HIVEP3: variants seen among roughly 807,000 people sequenced by gnomAD.
HIVEP3 encodes HIVEP zinc finger 3, also known as transcription factor HIVEP3.
HIVEP3 carries 49 observed loss-of-function variants against 152.8 expected under a neutral mutation model. That is an observed-to-expected ratio of 0.32 (90% CI 0.26 to 0.41). The LOEUF is 0.41. Among genes scored for constraint, HIVEP3 ranks in the 10% least tolerant of loss-of-function variants. HIVEP3 has a pLI of 1.00. For missense variants in HIVEP3, 2,790 were observed against 3,103.3 expected (o/e 0.90, Z 2.40); for synonymous variants, 1,269 against 1,289.0 (o/e 0.98, Z 0.33).
At chr1:41,937,880 T>C (rs567005355) in intron 1 of HIVEP3, among the ~76,000 whole-genome samples, 5 of 152,228 alleles carry the variant, frequency 3.3e-5, no homozygotes, top group Non-Finnish European at 4.4e-5. Context: ...CAACCAATCA[T>C]GAGCACTTGT....
intron 5 of HIVEP3, among the ~76,000 whole-genome samples, chr1:41,554,135 A>C (rs1249198565): frequency 6.6e-6 from 1 of 152,238 alleles, no homozygotes; most frequent in Admixed American, 6.5e-5. Flanking sequence ...CAAGTACACC[A>C]ATCAAATGTA....
intron 1 of HIVEP3, among the ~76,000 whole-genome samples, chr1:41,940,259 G>A (rs1645039467): frequency 6.6e-6 from 1 of 152,102 alleles, no homozygotes; most frequent in Admixed American, 6.5e-5. Flanking sequence ...ATTCCTAAAT[G>A]ATGAGTGAGT....
At chr1:41,598,070 T>G (rs1644692324) in intron 3 of HIVEP3, among the ~76,000 whole-genome samples, 1 of 152,216 alleles carries the variant, frequency 6.6e-6, no homozygotes, top group South Asian at 2.1e-4. Flanking sequence ...TAACTCAACC[T>G]GTTTATCTTA....
chr1:42,008,626 A>G (rs566012520), intron 1 of HIVEP3, among the ~76,000 whole-genome samples: 1 of 152,266 alleles, frequency 6.6e-6, no homozygotes, highest in South Asian at 2.1e-4. Context: ...ATCCTTTAAT[A>G]GTTGTTCTTT....
At chr1:41,544,930 TCACCACCACCACCACTACCACCTCTAC>T (rs1643680054) in intron 5 of HIVEP3, among the ~76,000 whole-genome samples, 8 of 8,112 alleles carry the variant, frequency 9.9e-4, no homozygotes, top group Non-Finnish European at 1.6e-3. Flanking sequence ...ACCACCACCA[TCACCACCACCACCACTACCACCTCTAC>T]CATCACCACC....
At chr1:41,876,013 A>G (rs933959206) in intron 1 of HIVEP3, among the ~76,000 whole-genome samples, 3 of 152,140 alleles carry the variant, frequency 2.0e-5, no homozygotes, top group African/African-American at 7.2e-5. Flanking sequence ...CAAAACAGCA[A>G]CTGGGTTTGG....
Position 41,507,280 on chromosome 1 carries a change from G to A in HIVEP3, c.*3171C>T, listed in dbSNP as rs993915723. On this transcript the variant is annotated 3_prime_UTR_variant, in exon 9 of 9. Transcript: ENST00000372583. ...CTGGGTCTGGAAGTTGGAGCTTACG[G>A]AGGCGACAGTGCAGGCAGCTGGCTG... The A allele has an allele frequency of 6.6e-6, 1 of 152,298 alleles. No individual in the cohort carries two copies. The highest frequency in any genetic ancestry group is 1.5e-5 in the Non-Finnish European group (1 of 68,088). The allele number at this position is 152,298 out of a possible 1,614,324, so 9.4% of individuals were successfully genotyped here.
At chr1:41,559,701 G>A (rs1644027025) in intron 5 of HIVEP3, among the ~76,000 whole-genome samples, 1 of 152,132 alleles carries the variant, frequency 6.6e-6, no homozygotes, top group Admixed American at 6.5e-5. Context: ...CGGGGGTCAA[G>A]ATGCTGGCTT....
intron 3 of HIVEP3, among the ~76,000 whole-genome samples, chr1:41,587,426 T>C (rs1358207004): frequency 6.6e-6 from 1 of 152,174 alleles, no homozygotes; most frequent in Non-Finnish European, 1.5e-5. Flanking sequence ...CCATATAAGA[T>C]ACCATCCAAA....
At chr1:41,658,578 C>A (rs568487173) in intron 2 of HIVEP3, among the ~76,000 whole-genome samples, 11 of 152,186 alleles carry the variant, frequency 7.2e-5, no homozygotes, top group East Asian at 3.8e-4. Context: ...TCACTTCACC[C>A]CCCCCATGAG....
chr1:41,956,784 G>A (rs1026689723), intron 1 of HIVEP3, among the ~76,000 whole-genome samples: 14 of 152,104 alleles, frequency 9.2e-5, no homozygotes, highest in East Asian at 1.9e-4. Context: ...TTTGAACAGC[G>A]CTGGGAGCAA....
At chr1:41,805,391 A>G (rs1341594477) in intron 1 of HIVEP3, among the ~76,000 whole-genome samples, 1 of 152,218 alleles carries the variant, frequency 6.6e-6, no homozygotes, top group Non-Finnish European at 1.5e-5. Flanking sequence ...TAATATTCCA[A>G]TTGAGAACCC....
At chr1:41,571,038 G>A (rs1644244858) in intron 5 of HIVEP3, among the ~76,000 whole-genome samples, 1 of 152,104 alleles carries the variant, frequency 6.6e-6, no homozygotes, top group Non-Finnish European at 1.5e-5. Flanking sequence ...TGAGGTACTG[G>A]GGTAGGTGAG....
At chr1:42,032,882 T>C (rs888683818) in intron 1 of HIVEP3, among the ~76,000 whole-genome samples, 5 of 152,140 alleles carry the variant, frequency 3.3e-5, no homozygotes, top group Admixed American at 6.5e-5. Context: ...ACTCTGACAA[T>C]TGATAGTCTT....
chr1:41,799,929 G>C (rs1296686740), intron 1 of HIVEP3, among the ~76,000 whole-genome samples: 4 of 152,054 alleles, frequency 2.6e-5, no homozygotes, highest in Non-Finnish European at 5.9e-5. Context: ...GATCCAGAGA[G>C]ACAGCATTAC....
intron 1 of HIVEP3, among the ~76,000 whole-genome samples, chr1:41,718,940 C>A (rs745533624): frequency 2.6e-4 from 39 of 152,244 alleles, no homozygotes; most frequent in Non-Finnish European, 4.7e-4. Flanking sequence ...TGTTTTAACC[C>A]TTCCTCTTTG....
chr1:41,928,358 T>A (rs1644978338), intron 1 of HIVEP3, among the ~76,000 whole-genome samples: 1 of 152,150 alleles, frequency 6.6e-6, no homozygotes, highest in Non-Finnish European at 1.5e-5. Context: ...CTCTCCCTAC[T>A]TTTTTTCTTT....
intron 1 of HIVEP3, among the ~76,000 whole-genome samples, chr1:41,828,721 G>A (rs1297813295): frequency 6.6e-6 from 1 of 152,170 alleles, no homozygotes; most frequent in East Asian, 1.9e-4. Context: ...TGCCTTGCCC[G>A]AGACCTTAGG....
At chr1:41,601,686 A>T (rs1212814908) in intron 3 of HIVEP3, among the ~76,000 whole-genome samples, 1 of 152,138 alleles carries the variant, frequency 6.6e-6, no homozygotes, top group Non-Finnish European at 1.5e-5. Context: ...TGCAAACAGG[A>T]ACAATTTTAC....
Sources: allele counts gnomAD v4.1 joint callset (sites outside exome capture counted in the v4.1 genomes callset), GRCh38; gene constraint gnomAD v4.1.1; transcripts MANE v1.5; gene names NCBI Gene and HGNC (gene_info 2026-07-23, HGNC 2026-07-21).